Variants in DHX38 observed in about 807,000 individuals in gnomAD.
The protein encoded by DHX38 is pre-mRNA-splicing factor ATP-dependent RNA helicase PRP16.
In DHX38, 100 loss-of-function variants were observed where a neutral mutation model predicts 153.1. The observed-to-expected ratio is 0.65, with a 90% CI of 0.56 to 0.77. The LOEUF is 0.77. Ranked by LOEUF, DHX38 falls within the 30% of genes least tolerant of loss-of-function variation. The pLI is 0.00. For missense variants in DHX38, 1,440 were observed against 1,654.0 expected, an observed-to-expected ratio of 0.87 and a Z score of 2.24; for synonymous variants, 650 against 631.7, an observed-to-expected ratio of 1.03 and a Z score of -0.43.
chr16:72,107,911 T>G lies in DHX38; in HGVS notation c.2964+112T>G. On this transcript the variant is annotated intron_variant, in intron 21 of 26. Coordinates refer to ENST00000268482, the MANE Select transcript of DHX38 (RefSeq NM_014003.4). This position sits in a 1 kb window ranked among gnomAD's most constrained non-coding sequence, Gnocchi z 5.3. ...GAACAGAGGGCAGAATCAGAGTTTC[T>G]GAAGAATGATTTTGCTGTTCTCGGT... The G allele has an allele frequency of 7.1e-7, 1 of 1,417,166 alleles. No individual in the cohort carries two copies. The allele number at this position is 1,417,166 out of a possible 1,614,324, so 87.8% of individuals were successfully genotyped here.
Position 72,103,619 on chromosome 16 carries a change from TC to T in DHX38, c.1656del (p.Ile552MetfsTer14). 1 of 1,609,454 alleles carries T rather than the reference TC, an allele frequency of 6.2e-7. No homozygotes were observed. Among genetic ancestry groups the T allele is most frequent in the Non-Finnish European group, 8.5e-7 (1 of 1,176,016 alleles). ...LTIIRDNSIV[I>X]VVGETGSGKT... ...CCTTGTAGAGACAACAGCATCGTGA[TC>T]GTGGTTGGGGAGACGGGGAGTGGTA... On this transcript the variant is annotated frameshift_variant, in exon 13 of 27. Coordinates refer to ENST00000268482, the MANE Select transcript of DHX38 (RefSeq NM_014003.4). LOFTEE classifies it high-confidence loss of function.
Position 72,112,433 on chromosome 16 carries a change from C to G in DHX38, c.3620C>G (p.Pro1207Arg), listed in dbSNP as rs748643643. ...GSVRSTKIYT[P>R]GRKEQGEPMT... The stretch of plus-strand genomic sequence containing the variant: ...TCCAGGTCTACGAAGATCTACACTC[C>G]AGGCCGGAAAGAGCAAGGGGAGCCC... Residue 1207 changes from proline to arginine, a missense_variant, in exon 27 of 27, where the codon CCA becomes CGA. This residue lies in a region of DHX38 where 75 missense variants were observed against 69.5 expected (regional missense o/e 1.08). Coordinates refer to ENST00000268482, the MANE Select transcript of DHX38 (RefSeq NM_014003.4). 2.5e-6 allele frequency: 4 copies of G among 1,610,480 alleles called. No homozygotes were observed. The highest frequency in any genetic ancestry group is 2.5e-6 in the Non-Finnish European group (3 of 1,179,944).
intron 19 of DHX38, 97 bp downstream of exon 19, chr16:72,106,214 G>A: frequency 8.6e-7 from 1 of 1,164,886 alleles, no homozygotes; most frequent in Non-Finnish European, 1.2e-6. Flanking sequence ...TCTAGAGCTG[G>A]TCCCCAAGGC....
In DHX38 at chr16:72,109,492, G is replaced by T; in HGVS notation, c.3459G>T (p.Gln1153His). The change falls in exon 25 of 27, where the codon CAG becomes CAT. Residue 1153 changes from glutamine to histidine, a missense_variant. Coordinates refer to ENST00000268482, the MANE Select transcript of DHX38 (RefSeq NM_014003.4). Reference sequence around the variant, plus strand: ...GCCCCATGTTCTATAGCGTGAAACAGGCGGGCAAGTCACGGCAGGTGAGGA... The same window carrying T: ...GCCCCATGTTCTATAGCGTGAAACATGCGGGCAAGTCACGGCAGGTGAGGA... ...ELGPMFYSVK[Q>H]AGKSRQENRR... 1 of 1,612,388 alleles carries T rather than the reference G, an allele frequency of 6.2e-7. No homozygotes were observed. Among genetic ancestry groups the T allele is most frequent in the Non-Finnish European group, 8.5e-7 (1 of 1,179,358 alleles).
intron 6 of DHX38, 72 bp downstream of exon 6, chr16:72,099,117 T>G (rs1404599744): frequency 1.3e-6 from 2 of 1,599,686 alleles, no homozygotes; most frequent in Middle Eastern, 2.2e-4. Context: ...GGGCTGCCCT[T>G]CTGGAGCTGC....
chr16:72,099,917 T>C, intron 8 of DHX38, 30 bp downstream of exon 8: 1 of 1,578,130 alleles, frequency 6.3e-7, no homozygotes, highest in Non-Finnish European at 8.6e-7. Context: ...TTGGAGCAGA[T>C]TCAGAGCTGG....
chr16:72,108,075 ATTATT>A lies in DHX38; in HGVS notation c.2965-148_2965-144del. On this transcript the variant is annotated intron_variant, in intron 21 of 26. Transcript: ENST00000268482. Reference sequence around the variant, plus strand: ...TGTTTTAGAGTAGACCTTTTTAAAAATTATTTTAATTTTTCTCAAATTGTCAGGGC... The same window carrying A: ...TGTTTTAGAGTAGACCTTTTTAAAAATTAATTTTTCTCAAATTGTCAGGGC... The A allele has an allele frequency of 1.6e-5, 16 of 1,000,200 alleles. 1 individual carries two copies. The South Asian group carries it at 2.8e-4, about 17-fold the overall frequency. The allele number at this position is 1,000,200 out of a possible 1,614,324, so 62.0% of individuals were successfully genotyped here. A position where few individuals can be genotyped will look rare whatever the true frequency, so the allele number is the denominator to read the frequency against.
At chr16:72,101,893 G>A (rs374772471) in intron 11 of DHX38, among the ~76,000 whole-genome samples, 2 of 152,202 alleles carry the variant, frequency 1.3e-5, no homozygotes. Flanking sequence ...AGGTCACCCA[G>A]CTTGTCAGTG....
chr16:72,093,848 C>T lies in DHX38; in HGVS notation c.-223C>T, dbSNP rs1254131061. ...GAGCCTGTTGGCGTACCGTTCCACA[C>T]TTGGATCCAGGAATCGGGCGTGTTC... On this transcript the variant is annotated 5_prime_UTR_variant, in exon 1 of 27. Transcript: ENST00000268482. 2.0e-5 allele frequency: 3 copies of T among 152,398 alleles called. No individual in the cohort carries two copies. Among genetic ancestry groups the T allele is most frequent in the Non-Finnish European group, 4.4e-5 (3 of 68,186 alleles). 9.4% of individuals were successfully genotyped at this position (152,398 alleles called of 1,614,324 possible).
Position 72,106,034 on chromosome 16 carries a change from T to C in DHX38, c.2517T>C (p.Ala839=), listed in dbSNP as rs753927213. 4 of 1,614,206 alleles carry C rather than the reference T, an allele frequency of 2.5e-6. No individual in the cohort carries two copies. The highest frequency in any genetic ancestry group is 4.5e-5 in the East Asian group (2 of 44,882). ...KVFNPRIGMD[A]LQIYPISQAN... is the part of the protein sequence containing the mutation. ...TCAACCCCAGGATTGGCATGGATGCTCTGCAGATCTATCCCATTAGCCAGG... is the reference window on the plus strand; with the variant it reads ...TCAACCCCAGGATTGGCATGGATGCCCTGCAGATCTATCCCATTAGCCAGG... Residue 839 remains alanine, a synonymous_variant, in exon 19 of 27, where the codon GCT becomes GCC. Transcript: ENST00000268482.
Position 72,107,634 on chromosome 16 carries a change from A to G in DHX38, c.2810-11A>G, listed in dbSNP as rs949698470. 2 of 1,612,518 alleles carry G rather than the reference A, an allele frequency of 1.2e-6. No homozygotes were observed. The highest frequency in any genetic ancestry group is 2.2e-5 in the South Asian group (2 of 91,056). On this transcript the variant is annotated splice_polypyrimidine_tract_variant and intron_variant, in intron 20 of 26. Transcript: ENST00000268482. This position sits in a 1 kb window ranked among gnomAD's most constrained non-coding sequence, Gnocchi z 5.3. ...TCCCGTCAAATATCCGGGTTTGCTC[A>G]TCTCTCCTAGGTGGTCTGACCTCTA...
In DHX38 at chr16:72,096,908, G is replaced by T; in HGVS notation, c.410G>T (p.Arg137Leu). ...TGGGAACGCAGTCGGCAGAGAGAGC[G>T]GGAGCGGCGGGAACATGGTGTCTAT... is the stretch of plus-strand genomic sequence containing the variant. The part of the protein sequence containing the change: ...EFWERSRQRE[R>L]ERREHGVYAS... The change falls in exon 3 of 27, where the codon CGG becomes CTG. Residue 137 changes from arginine to leucine, a missense_variant. Transcript: ENST00000268482. The T allele has an allele frequency of 1.9e-6, 3 of 1,614,064 alleles. No individual in the cohort carries two copies. Among genetic ancestry groups the T allele is most frequent in the Non-Finnish European group, 1.7e-6 (2 of 1,179,978 alleles).
In DHX38 at chr16:72,104,908, G is replaced by A; in HGVS notation, c.2152-119G>A. The A allele has an allele frequency of 9.8e-7, 1 of 1,019,464 alleles. No individual in the cohort carries two copies. The allele number at this position is 1,019,464 out of a possible 1,614,324, so 63.2% of individuals were successfully genotyped here. ...GCAGTCAGGCCCATGTGGAGGTGTG[G>A]TGGCCCTCAAAGTCCATGGCTCCAT... On this transcript the variant is annotated intron_variant, in intron 15 of 26. Transcript: ENST00000268482. This position sits in a 1 kb window ranked among gnomAD's most constrained non-coding sequence, Gnocchi z 4.5.
Position 72,107,634 on chromosome 16 carries a change from A to C in DHX38, c.2810-11A>C, listed in dbSNP as rs949698470. ...TCCCGTCAAATATCCGGGTTTGCTCATCTCTCCTAGGTGGTCTGACCTCTA... is the reference window on the plus strand; with the variant it reads ...TCCCGTCAAATATCCGGGTTTGCTCCTCTCTCCTAGGTGGTCTGACCTCTA... On this transcript the variant is annotated splice_polypyrimidine_tract_variant and intron_variant, in intron 20 of 26. Transcript: ENST00000268482. The surrounding 1 kb of genome is among the most constrained non-coding windows in gnomAD (Gnocchi z 5.3). The C allele has an allele frequency of 6.2e-6, 10 of 1,612,518 alleles. No homozygotes were observed. Among genetic ancestry groups the C allele is most frequent in the Middle Eastern group, 1.7e-4 (1 of 6,056 alleles).
chr16:72,099,727 T>C lies in DHX38; in HGVS notation c.961-5T>C. 5.0e-6 allele frequency: 8 copies of C among 1,613,990 alleles called. No homozygotes were observed. The highest frequency in any genetic ancestry group is 1.1e-5 in the South Asian group (1 of 91,040). ...CACTCCCTTGCTTTGCCTCCTGCCC[T>C]GCAGCAAGCCGATCGGGATTGGTAC... On this transcript the variant is annotated splice_polypyrimidine_tract_variant and splice_region_variant and intron_variant, in intron 7 of 26. Coordinates refer to ENST00000268482, the MANE Select transcript of DHX38 (RefSeq NM_014003.4).
At chr16:72,095,239 A>C (rs967612340) in intron 1 of DHX38, among the ~76,000 whole-genome samples, 1 of 152,254 alleles carries the variant, frequency 6.6e-6, no homozygotes, top group African/African-American at 2.4e-5. Flanking sequence ...TGAGTGCCAG[A>C]AGTCTTGTAG....
intron 1 of DHX38, among the ~76,000 whole-genome samples, chr16:72,094,769 T>A (rs1283217794): frequency 1.3e-5 from 2 of 152,248 alleles, no homozygotes; most frequent in African/African-American, 4.8e-5. Context: ...ATTAATTCAT[T>A]TTTTAATTTA....
At position 72,099,298 on chromosome 16, in the gene DHX38, TGA is replaced by T. The variant is rs2042065203; in HGVS notation, c.960+20_960+21del. On this transcript the variant is annotated intron_variant, in intron 7 of 26. Transcript: ENST00000268482. ...ACCAGAGGGTAAAGTTTTATACCTC[TGA>T]GGGGCTGATCGGGGCTGGTGGCCGT... The T allele has an allele frequency of 6.3e-7, 1 of 1,591,910 alleles. No individual in the cohort carries two copies. Among genetic ancestry groups the T allele is most frequent in the Non-Finnish European group, 8.6e-7 (1 of 1,169,518 alleles).
At chr16:72,109,298 T>C in intron 24 of DHX38, 117 bp from the exon 25 acceptor site, 1 of 1,167,184 alleles carries the variant, frequency 8.6e-7, no homozygotes, top group South Asian at 1.5e-5. Flanking sequence ...CTTTCCTTTT[T>C]TCAGCCTTGC....
Sources: gnomAD v4.1 joint callset for allele counts (sites outside exome capture counted in the v4.1 genomes callset) on GRCh38, gnomAD v4.1.1 for gene constraint, gnomAD v4.1.1 regional missense constraint, Gnocchi (gnomAD v3.1) non-coding constraint, MANE v1.5 for transcripts, NCBI Gene and HGNC (gene_info 2026-07-23, HGNC 2026-07-21) for gene names.